EDA: variants seen among roughly 807,000 people sequenced by gnomAD.
The protein encoded by EDA is ectodysplasin A, also known as ectodysplasin-A.
A neutral mutation model predicts 23.6 loss-of-function variants in EDA; 2 were observed. That is an observed-to-expected ratio of 0.08 (90% CI 0.03 to 0.27). The LOEUF (loss-of-function observed/expected upper bound fraction) is 0.27. EDA is among the 10% of genes least tolerant of loss of function. EDA has a pLI of 1.00. For missense variants in EDA, 229 were observed against 324.2 expected, an observed-to-expected ratio of 0.71 and a Z score of 2.26; for synonymous variants, 131 against 132.0, an observed-to-expected ratio of 0.99 and a Z score of 0.05.
At chrX:69,978,900 A>G (rs1412774070) in intron 2 of EDA, among the ~76,000 whole-genome samples, 3 of 111,355 alleles carry the variant, frequency 2.7e-5, no homozygotes, top group African/African-American at 9.9e-5. Flanking sequence ...ATCATGGTAA[A>G]ATATACATAA....
rs758635822 is a variant in EDA at position 69,714,753 on chromosome X, C to G, written c.396+98049C>G. ...TTTGTCTCATGGAGCTGTATGTCTA[C>G]CCTCCACTAATACCATGCTGTTTTG... On this transcript the variant is annotated intron_variant, in intron 1 of 7. Coordinates refer to ENST00000374552, the MANE Select transcript of EDA (RefSeq NM_001399.5). Among the ~76,000 whole-genome samples, 3 of 111,208 alleles carry G rather than the reference C, an allele frequency of 2.7e-5. No homozygotes were observed. In the Admixed American group the frequency reaches 2.9e-4, roughly 11 times the overall value.
intron 1 of EDA, among the ~76,000 whole-genome samples, chrX:69,840,228 A>G: frequency 9.0e-6 from 1 of 110,827 alleles, no homozygotes; most frequent in Non-Finnish European, 1.9e-5. Context: ...CCAGCGAGAG[A>G]CAGCACTCCT....
chrX:70,002,105 G>A (rs746494963), intron 2 of EDA, among the ~76,000 whole-genome samples: 3 of 111,571 alleles, frequency 2.7e-5, no homozygotes, highest in Non-Finnish European at 5.6e-5. Flanking sequence ...GAGAGTTCCC[G>A]GTAACAGGAA....
At chrX:69,937,029 C>CA (rs1344731185) in intron 1 of EDA, 4 of 411,654 alleles carry the variant, frequency 9.7e-6, no homozygotes, top group Non-Finnish European at 1.7e-5. Context: ...GAAAGGCAGA[C>CA]AATAAAATGG....
intron 1 of EDA, among the ~76,000 whole-genome samples, chrX:69,939,568 G>T (rs1481872936): frequency 9.0e-6 from 1 of 111,136 alleles, no homozygotes; most frequent in African/African-American, 3.3e-5. Context: ...CAATTTGGAT[G>T]CCCTTTATAT....
At chrX:69,816,932 A>C (rs1052970049) in intron 1 of EDA, among the ~76,000 whole-genome samples, 1 of 111,084 alleles carries the variant, frequency 9.0e-6, no homozygotes, top group African/African-American at 3.3e-5. Context: ...CAAGGTTGAA[A>C]TGAAAGAAAA....
intron 1 of EDA, among the ~76,000 whole-genome samples, chrX:69,771,414 TAAAC>T (rs1247717710): frequency 2.7e-5 from 3 of 111,177 alleles, no homozygotes; most frequent in Non-Finnish European, 5.6e-5. Context: ...ACAACATAAT[TAAAC>T]AAACTAGATG....
intron 2 of EDA, among the ~76,000 whole-genome samples, chrX:69,990,573 C>G (rs950692930): frequency 6.3e-4 from 70 of 110,699 alleles, no homozygotes; most frequent in African/African-American, 2.2e-3. Context: ...AGGTGGAATT[C>G]TAGGCTCCCC....
intron 1 of EDA, among the ~76,000 whole-genome samples, chrX:69,679,646 T>C (rs1934254875): frequency 1.8e-5 from 2 of 112,047 alleles, no homozygotes; most frequent in Admixed American, 1.9e-4. Flanking sequence ...AGTTTGTATT[T>C]CTGTGGGATC....
intron 1 of EDA, among the ~76,000 whole-genome samples, chrX:69,956,623 C>T (rs1001967386): frequency 1.8e-5 from 2 of 111,404 alleles, no homozygotes; most frequent in Admixed American, 9.6e-5. Flanking sequence ...GGATTACAGG[C>T]GTGAGCCACT....
Position 70,027,900 on chromosome X carries a change from C to T in EDA, c.570C>T (p.Pro190=), listed in dbSNP as rs1328353332. 6 of 1,133,432 alleles carry T rather than the reference C, an allele frequency of 5.3e-6. No homozygotes were observed. The highest frequency in any genetic ancestry group is 7.2e-6 in the Non-Finnish European group (6 of 836,967). 93.4% of individuals were successfully genotyped at this position (1,133,432 alleles called of 1,213,427 possible). A position where few individuals can be genotyped will look rare whatever the true frequency, so the allele number is the denominator to read the frequency against. The change falls in exon 4 of 8, where the codon CCC becomes CCT. Residue 190 remains proline, a synonymous_variant. Transcript: ENST00000374552. ...CTGGACCCAATGGCCCTCCAGGACCCCCAGGACCTCCAGGACCCCAGGGAC... is the reference window on the plus strand; with the variant it reads ...CTGGACCCAATGGCCCTCCAGGACCTCCAGGACCTCCAGGACCCCAGGGAC... ...GPPGPNGPPG[P]PGPPGPQGPP... is the part of the protein sequence containing the mutation.
rs2019019572 is a variant in EDA at position 69,957,119 on chromosome X, T to C, written c.489T>C (p.Asn163=). ...RVRRNKRSKS[N]EGADGPVKNK... is the part of the protein sequence containing the mutation. ...GCCGCAATAAAAGAAGCAAAAGCAA[T>C]GAAGGAGCAGATGGTAAGTCTACTC... is the stretch of plus-strand genomic sequence containing the variant. The change falls in exon 2 of 8, where the codon AAT becomes AAC. Residue 163 remains asparagine (N), a synonymous_variant. Transcript: ENST00000374552. The C allele has an allele frequency of 8.3e-7, 1 of 1,205,717 alleles. No individual in the cohort carries two copies. Among genetic ancestry groups the C allele is most frequent in the African/African-American group, 1.7e-5 (1 of 57,312 alleles).
Position 70,019,174 on chromosome X carries a change from C to A in EDA, c.503-4044C>A, listed in dbSNP as rs746638948. On this transcript the variant is annotated intron_variant, in intron 2 of 7. Transcript: ENST00000374552. ...CTCACACCAGTCAGAATGGCTATTA[C>A]TAAAAAAATCAAAAAATAAGAGATG... Among the ~76,000 whole-genome samples, 3 of 111,264 alleles carry A rather than the reference C, an allele frequency of 2.7e-5. No homozygotes were observed. The South Asian group carries it at 1.1e-3, about 42-fold the overall frequency.
intron 1 of EDA, among the ~76,000 whole-genome samples, chrX:69,627,608 G>A (rs763090860): frequency 9.9e-5 from 11 of 111,642 alleles, no homozygotes; most frequent in Non-Finnish European, 1.5e-4. Context: ...ATTTGAGAAC[G>A]TACTGCTCTA....
At chrX:69,823,338 C>T (rs1256733775) in intron 1 of EDA, among the ~76,000 whole-genome samples, 1 of 86,317 alleles carries the variant, frequency 1.2e-5, no homozygotes, top group African/African-American at 4.9e-5. Context: ...TCCTATTTTT[C>T]CACATCCTCT....
intron 1 of EDA, among the ~76,000 whole-genome samples, chrX:69,800,648 C>A (rs2015661956): frequency 8.9e-6 from 1 of 111,787 alleles, no homozygotes; most frequent in East Asian, 2.8e-4. Flanking sequence ...AAAGTAGTAT[C>A]TGAACTTCTA....
chrX:69,747,761 A>G (rs1199572953), intron 1 of EDA, among the ~76,000 whole-genome samples: 2 of 111,941 alleles, frequency 1.8e-5, no homozygotes, highest in Non-Finnish European at 3.8e-5. Context: ...AGAAAAAGAA[A>G]GAAAAGACTG....
chrX:69,899,725 C>T (rs2018071396), intron 1 of EDA, among the ~76,000 whole-genome samples: 1 of 111,214 alleles, frequency 9.0e-6, no homozygotes, highest in Admixed American at 9.7e-5. Flanking sequence ...TTGTTTAATC[C>T]TTATACTAGC....
intron 1 of EDA, among the ~76,000 whole-genome samples, chrX:69,869,642 G>A (rs1168318495): frequency 2.7e-5 from 3 of 111,291 alleles, no homozygotes; most frequent in Non-Finnish European, 5.7e-5. Context: ...ATTTAAGTAG[G>A]AATGCAGTAG....
Sources: allele counts gnomAD v4.1 joint callset (sites outside exome capture counted in the v4.1 genomes callset), GRCh38; gene constraint gnomAD v4.1.1; transcripts MANE v1.5; gene names NCBI Gene and HGNC (gene_info 2026-07-23, HGNC 2026-07-21).